The following ATP8B1 variants were observed in gnomAD, a reference collection of about 807,000 sequenced individuals.
ATP8B1 encodes the protein phospholipid-transporting ATPase IC.
ATP8B1 carries 80 observed loss-of-function variants against 149.9 expected under a neutral mutation model. The observed-to-expected ratio is 0.53, with a 90% CI of 0.45 to 0.64. ATP8B1 has a LOEUF of 0.64. Ranked by LOEUF, ATP8B1 falls within the 30% of genes least tolerant of loss-of-function variation. The probability of loss-of-function intolerance (pLI) is 0.00; values close to 1 mark genes in which losing one functional copy is unlikely to be tolerated. For synonymous variants in ATP8B1, 536 were observed against 562.8 expected, an observed-to-expected ratio of 0.95 and a Z score of 0.67; for missense variants, 1,247 against 1,552.6, an observed-to-expected ratio of 0.80 and a Z score of 3.31.
At chr18:57,684,481 A>G (rs1912135991) in intron 14 of ATP8B1, among the ~76,000 whole-genome samples, 1 of 152,020 alleles carries the variant, frequency 6.6e-6, no homozygotes, top group African/African-American at 2.4e-5. Context: ...GGCTCAAGCA[A>G]TCCTTCTGAG....
chr18:57,748,931 C>A (rs1382011066), intron 1 of ATP8B1, among the ~76,000 whole-genome samples: 1 of 152,166 alleles, frequency 6.6e-6, no homozygotes, highest in Non-Finnish European at 1.5e-5. Context: ...ATGACTCATG[C>A]AGGCCTTGTG....
At chr18:57,668,562 A>AAAT (rs1293023637) in intron 18 of ATP8B1, 22 bp from the exon 19 acceptor site, 1 of 1,447,764 alleles carries the variant, frequency 6.9e-7, no homozygotes. Context: ...ATTAAAAAAA[A>AAAT]AAAAAAAAGG....
intron 1 of ATP8B1, among the ~76,000 whole-genome samples, chr18:57,794,463 T>TAA (rs58976028): frequency 1.5e-4 from 17 of 110,460 alleles, no homozygotes; most frequent in South Asian, 3.0e-4. Context: ...AACCTGACAT[T>TAA]AAAAAAAAAA....
At chr18:57,697,727 G>T (rs1912894549) in intron 7 of ATP8B1, 39 bp from the exon 8 acceptor site, 1 of 1,613,482 alleles carries the variant, frequency 6.2e-7, no homozygotes. Context: ...CCGAGACCCT[G>T]AGGGAAAAGC....
chr18:57,672,890 A>G (rs1365420495), intron 16 of ATP8B1, among the ~76,000 whole-genome samples: 39 of 15,702 alleles, frequency 2.5e-3, no homozygotes, highest in African/African-American at 9.2e-3. Context: ...AAAAAAGTAT[A>G]TATATATATA....
chr18:57,766,674 T>C (rs1190097021), intron 1 of ATP8B1, among the ~76,000 whole-genome samples: 1 of 152,168 alleles, frequency 6.6e-6, no homozygotes, highest in Non-Finnish European at 1.5e-5. Context: ...AGACTCTTCA[T>C]TTCCATCAAG....
chr18:57,769,341 C>A (rs2080246368), intron 1 of ATP8B1, among the ~76,000 whole-genome samples: 1 of 152,170 alleles, frequency 6.6e-6, no homozygotes, highest in Non-Finnish European at 1.5e-5. Flanking sequence ...CTATTAAATG[C>A]CTTCCTTGGG....
intron 2 of ATP8B1, among the ~76,000 whole-genome samples, chr18:57,718,099 TAACTA>T (rs1214489039): frequency 3.5e-5 from 1 of 28,952 alleles, no homozygotes; most frequent in African/African-American, 1.4e-4. Flanking sequence ...TTAGCTGGAC[TAACTA>T]AAAAAAAAAA....
At chr18:57,754,814 T>C (rs1288199454) in intron 1 of ATP8B1, among the ~76,000 whole-genome samples, 2 of 152,150 alleles carry the variant, frequency 1.3e-5, no homozygotes, top group African/African-American at 4.8e-5. Context: ...AATGTCACCC[T>C]AGTAGTGAGA....
chr18:57,695,448 A>C lies in ATP8B1; in HGVS notation c.781+2T>G. On this transcript the variant is annotated splice_donor_variant, in intron 9 of 27. Coordinates refer to ENST00000648908, the MANE Select transcript of ATP8B1 (RefSeq NM_001374385.1). LOFTEE classifies it high-confidence loss of function. ...GCAAAGTAAGACATGTTTGGTACAA[A>C]CCATCAAATGTAGCCAATGTATCTT... 4.3e-6 allele frequency: 7 copies of C among 1,610,644 alleles called. No homozygotes were observed. Among genetic ancestry groups the C allele is most frequent in the Non-Finnish European group, 5.9e-6 (7 of 1,176,846 alleles).
chr18:57,667,027 A>T, intron 20 of ATP8B1, 65 bp downstream of exon 20: 1 of 1,407,798 alleles, frequency 7.1e-7, no homozygotes, highest in South Asian at 1.2e-5. Context: ...GCTATCTTCT[A>T]CAGACAGTCT....
At chr18:57,703,531 G>A (rs1302960460) in intron 4 of ATP8B1, among the ~76,000 whole-genome samples, 3 of 149,798 alleles carry the variant, frequency 2.0e-5, no homozygotes, top group Non-Finnish European at 3.0e-5. Context: ...AGCCAAGATG[G>A]TGCCACTGCA....
At chr18:57,656,309 T>C (rs1238492772) in intron 22 of ATP8B1, among the ~76,000 whole-genome samples, 1 of 152,134 alleles carries the variant, frequency 6.6e-6, no homozygotes, top group Non-Finnish European at 1.5e-5. Flanking sequence ...ATTCTGGAAT[T>C]AGAAGTCAGT....
chr18:57,686,483 A>G (rs319454), intron 13 of ATP8B1, among the ~76,000 whole-genome samples: 98,800 of 151,738 alleles, frequency 0.65, 33,014 homozygotes, highest in Non-Finnish European at 0.72. Flanking sequence ...ACAGGCACAC[A>G]CAATTTTGCT....
chr18:57,652,446 C>G, intron 25 of ATP8B1, 38 bp downstream of exon 25: 4 of 1,613,514 alleles, frequency 2.5e-6, no homozygotes, highest in Non-Finnish European at 3.4e-6. Flanking sequence ...TAAGTAGGTA[C>G]CAATAGACAC....
chr18:57,765,502 T>C (rs1434821609), intron 1 of ATP8B1, among the ~76,000 whole-genome samples: 1 of 152,024 alleles, frequency 6.6e-6, no homozygotes, highest in Non-Finnish European at 1.5e-5. Flanking sequence ...ACCGCGTCTC[T>C]ACTAAAAATA....
chr18:57,653,033 A>C (rs553066242), intron 24 of ATP8B1, among the ~76,000 whole-genome samples: 87 of 152,194 alleles, frequency 5.7e-4, no homozygotes, highest in Non-Finnish European at 1.0e-3. Flanking sequence ...TACTGTTTTT[A>C]CCTCCTGAGT....
rs147263393 is a variant in ATP8B1, at chr18:57,756,192, C to CATAT, written c.-25-24364_-25-24361dup. The stretch of plus-strand genomic sequence containing the variant: ...CCTTTAATCTGAAACATTTCCACAA[C>CATAT]ATATATATATATATATATACACACA... On this transcript the variant is annotated intron_variant, in intron 1 of 27. Coordinates refer to ENST00000648908, the MANE Select transcript of ATP8B1 (RefSeq NM_001374385.1). 4.0e-3 allele frequency among the ~76,000 whole-genome samples: 338 copies of CATAT among 84,740 alleles called. 18 individuals are homozygous for CATAT. The highest frequency in any genetic ancestry group is 0.011 in the East Asian group (52 of 4,552). The allele number at this position is 84,740 out of a possible 152,430, so 55.6% of individuals were successfully genotyped here.
At chr18:57,699,078 T>C (rs1267958817) in intron 6 of ATP8B1, among the ~76,000 whole-genome samples, 2 of 152,174 alleles carry the variant, frequency 1.3e-5, no homozygotes. Flanking sequence ...CAGTAATGAG[T>C]TGTTTTTTGA....
Sources: gnomAD v4.1 joint callset for allele counts (sites outside exome capture counted in the v4.1 genomes callset) on GRCh38, gnomAD v4.1.1 for gene constraint, MANE v1.5 for transcripts, NCBI Gene and HGNC (gene_info 2026-07-23, HGNC 2026-07-21) for gene names.